SLC35F1: variants seen among roughly 807,000 people sequenced by gnomAD.
SLC35F1 encodes chromosome 6 open reading frame 169.
Under a neutral mutation model 48.7 loss-of-function variants are expected in SLC35F1, and 14 were observed. That is an observed-to-expected ratio of 0.29 (90% CI 0.19 to 0.45). The LOEUF (loss-of-function observed/expected upper bound fraction) is 0.45. Ranked by LOEUF, SLC35F1 falls within the 20% of genes least tolerant of loss-of-function variation. The pLI is 1.00. For missense variants in SLC35F1, 404 were observed against 500.0 expected (o/e 0.81, Z 1.83); for synonymous variants, 190 against 202.2 (o/e 0.94, Z 0.51).
chr6:118,113,161 G>A (rs894937757), intron 1 of SLC35F1, among the ~76,000 whole-genome samples: 1 of 152,102 alleles, frequency 6.6e-6, no homozygotes, highest in African/African-American at 2.4e-5. Context: ...CATGAACATA[G>A]CTCACTGCAG....
rs1776001990 is a variant in SLC35F1, at chr6:117,924,513, C to CT, written c.173+16614_173+16615insT. Among the ~76,000 whole-genome samples, 3 of 144,380 alleles carry CT rather than the reference C, an allele frequency of 2.1e-5. 1 individual carries two copies. Among genetic ancestry groups the CT allele is most frequent in the African/African-American group, 8.3e-5 (3 of 36,064 alleles). 94.7% of individuals were successfully genotyped at this position (144,380 alleles called of 152,430 possible). On this transcript the variant is annotated intron_variant, in intron 1 of 7. Transcript: ENST00000360388. ...ATATACATATGTATATACGTATATA[C>CT]ATATATATATGTCAAGTTCCATTCT...
intron 1 of SLC35F1, among the ~76,000 whole-genome samples, chr6:118,008,249 A>C (rs1045552730): frequency 3.4e-5 from 5 of 145,320 alleles, no homozygotes; most frequent in African/African-American, 1.3e-4. Context: ...TATACCAATA[A>C]AATAATTTTT....
chr6:118,152,352 A>T (rs1774073960), intron 1 of SLC35F1, among the ~76,000 whole-genome samples: 1 of 152,140 alleles, frequency 6.6e-6, no homozygotes, highest in South Asian at 2.1e-4. Context: ...ATGGAGGGAG[A>T]GCGTTTAGGA....
rs1562238512 is a variant in SLC35F1, at chr6:117,923,622, T to TGCATAC, written c.173+15723_173+15724insGCATAC. Among the ~76,000 whole-genome samples, 2 of 20,310 alleles carry TGCATAC rather than the reference T, an allele frequency of 9.8e-5. 1 individual carries two copies. The highest frequency in any genetic ancestry group is 1.9e-4 in the African/African-American group (2 of 10,384). The allele number at this position is 20,310 out of a possible 152,430, so 13.3% of individuals were successfully genotyped here. A position where few individuals can be genotyped will look rare whatever the true frequency, so the allele number is the denominator to read the frequency against. ...GTGTATATATACATATACATATGTA[T>TGCATAC]ATATACATATATGTACATATGTACA... On this transcript the variant is annotated intron_variant, in intron 1 of 7. Coordinates refer to ENST00000360388, the MANE Select transcript of SLC35F1 (RefSeq NM_001029858.4).
intron 2 of SLC35F1, among the ~76,000 whole-genome samples, chr6:118,163,026 C>T (rs974077219): frequency 6.6e-6 from 1 of 150,780 alleles, no homozygotes; most frequent in African/African-American, 2.4e-5. Flanking sequence ...GGTGCGATCT[C>T]GAGAGGCTCA....
chr6:118,016,599 T>G (rs1348853615), intron 1 of SLC35F1, among the ~76,000 whole-genome samples: 1 of 152,206 alleles, frequency 6.6e-6, no homozygotes, highest in African/African-American at 2.4e-5. Context: ...CTGCAAATAT[T>G]CTTTGTTCAG....
chr6:117,996,466 C>A (rs1277975538), intron 1 of SLC35F1, among the ~76,000 whole-genome samples: 8 of 152,214 alleles, frequency 5.3e-5, no homozygotes, highest in Admixed American at 2.0e-4. Context: ...TGAGAACGGG[C>A]AGACTGCCTC....
chr6:118,294,246 G>A (rs1005126835), intron 7 of SLC35F1, among the ~76,000 whole-genome samples: 1 of 152,154 alleles, frequency 6.6e-6, no homozygotes, highest in African/African-American at 2.4e-5. Flanking sequence ...CAAGCCTGGG[G>A]TCTCATGCAT....
At chr6:118,045,066 A>G (rs1772281605) in intron 1 of SLC35F1, among the ~76,000 whole-genome samples, 2 of 152,226 alleles carry the variant, frequency 1.3e-5, no homozygotes, top group African/African-American at 4.8e-5. Flanking sequence ...TTTAAAATAC[A>G]TTTAAAATTA....
chr6:118,112,080 TTC>T (rs1350889559), intron 1 of SLC35F1, among the ~76,000 whole-genome samples: 1 of 133,598 alleles, frequency 7.5e-6, no homozygotes, highest in South Asian at 2.4e-4. Flanking sequence ...TTTTCTTTAT[TTC>T]TTTCTTTTCT....
At chr6:118,045,525 C>CT (rs1772286982) in intron 1 of SLC35F1, among the ~76,000 whole-genome samples, 2 of 152,272 alleles carry the variant, frequency 1.3e-5, no homozygotes, top group Admixed American at 1.3e-4. Flanking sequence ...AGCTGTGTGT[C>CT]TTAATTTCTG....
chr6:118,166,305 T>C (rs1774317081), intron 2 of SLC35F1, among the ~76,000 whole-genome samples: 1 of 152,106 alleles, frequency 6.6e-6, no homozygotes, highest in South Asian at 2.1e-4. Context: ...TGAATGGAGC[T>C]GTTGCTCAGC....
chr6:117,984,335 TA>T (rs1261546936), intron 1 of SLC35F1, among the ~76,000 whole-genome samples: 1 of 151,956 alleles, frequency 6.6e-6, no homozygotes, highest in African/African-American at 2.4e-5. Context: ...CTGTCTCTAC[TA>T]AAAATACAAA....
At chr6:118,203,819 A>G (rs1774900072) in intron 2 of SLC35F1, among the ~76,000 whole-genome samples, 1 of 152,220 alleles carries the variant, frequency 6.6e-6, no homozygotes, top group Non-Finnish European at 1.5e-5. Flanking sequence ...ATTTAGAGCC[A>G]TTCATGGCTT....
At chr6:117,937,169 T>C (rs750537729) in intron 1 of SLC35F1, among the ~76,000 whole-genome samples, 4 of 152,262 alleles carry the variant, frequency 2.6e-5, no homozygotes, top group Non-Finnish European at 5.9e-5. Flanking sequence ...AGTTGGGGTC[T>C]GATCTAATAA....
At chr6:118,224,325 T>C (rs1775187781) in intron 2 of SLC35F1, among the ~76,000 whole-genome samples, 1 of 152,198 alleles carries the variant, frequency 6.6e-6, no homozygotes, top group South Asian at 2.1e-4. Context: ...TGGCAGTCAT[T>C]CAAGATAGCA....
chr6:118,140,395 G>A lies in SLC35F1; in HGVS notation c.174-14050G>A, dbSNP rs112661517. Among the ~76,000 whole-genome samples, 1,272 of 152,256 alleles carry A rather than the reference G, an allele frequency of 8.4e-3. 22 individuals are homozygous for A. Among genetic ancestry groups the A allele is most frequent in the African/African-American group, 0.029 (1,215 of 41,554 alleles). Reference sequence around the variant, plus strand: ...GTTGTAGACTTCATAGTGTAGTAGCGCAATGTATTACTCAGACATTTCTGG... The same window carrying A: ...GTTGTAGACTTCATAGTGTAGTAGCACAATGTATTACTCAGACATTTCTGG... On this transcript the variant is annotated intron_variant, in intron 1 of 7. Transcript: ENST00000360388.
At chr6:118,000,713 T>C (rs1470845915) in intron 1 of SLC35F1, among the ~76,000 whole-genome samples, 1 of 152,118 alleles carries the variant, frequency 6.6e-6, no homozygotes, top group Non-Finnish European at 1.5e-5. Flanking sequence ...TTGTCTCAGC[T>C]CAAAATCTCC....
At chr6:118,001,040 A>T (rs1408673763) in intron 1 of SLC35F1, among the ~76,000 whole-genome samples, 2 of 152,082 alleles carry the variant, frequency 1.3e-5, no homozygotes, top group Admixed American at 6.6e-5. Context: ...TAATTTATAG[A>T]TTCAATGCCA....
Sources: gnomAD v4.1 joint callset for allele counts (sites outside exome capture counted in the v4.1 genomes callset) on GRCh38, gnomAD v4.1.1 for gene constraint, MANE v1.5 for transcripts, NCBI Gene and HGNC (gene_info 2026-07-23, HGNC 2026-07-21) for gene names.